Variants in CTNNA3 observed in about 807,000 individuals in gnomAD.
CTNNA3 encodes catenin alpha-3.
CTNNA3 carries 76 observed loss-of-function variants against 95.7 expected under a neutral mutation model. That is an observed-to-expected ratio of 0.79 (90% CI 0.66 to 0.96). The LOEUF is 0.96. Among genes scored for constraint, CTNNA3 ranks in the 40% least tolerant of loss-of-function variants. The probability of loss-of-function intolerance (pLI) is 0.00; values close to 1 mark genes in which losing one functional copy is unlikely to be tolerated. For missense variants in CTNNA3, 1,191 were observed against 1,089.8 expected, an observed-to-expected ratio of 1.09 and a Z score of -1.31; for synonymous variants, 431 against 374.4, an observed-to-expected ratio of 1.15 and a Z score of -1.74.
At chr10:67,707,570 T>C (rs981350006) in intron 1 of CTNNA3, among the ~76,000 whole-genome samples, 9 of 152,166 alleles carry the variant, frequency 5.9e-5, no homozygotes, top group Non-Finnish European at 1.0e-4. Flanking sequence ...CAGTCACTTA[T>C]CACGACCTTG....
At chr10:66,550,069 T>C (rs1209262474) in intron 10 of CTNNA3, among the ~76,000 whole-genome samples, 1 of 152,164 alleles carries the variant, frequency 6.6e-6, no homozygotes, top group Admixed American at 6.5e-5. Context: ...TATGAAATTG[T>C]CTATCTCTTA....
In CTNNA3 at chr10:66,653,563, A is replaced by G. The variant is rs1845980488; in HGVS notation, c.1282-31779T>C. ...CTACATATTCAATGTAATCTGTATTAAAATGCCAATGTCACTTTTCATAGC... is the reference window on the plus strand; with the variant it reads ...CTACATATTCAATGTAATCTGTATTGAAATGCCAATGTCACTTTTCATAGC... On this transcript the variant is annotated intron_variant, in intron 9 of 17. Coordinates refer to ENST00000433211, the MANE Select transcript of CTNNA3 (RefSeq NM_013266.4). Among the ~76,000 whole-genome samples the G allele has an allele frequency of 2.6e-5, 4 of 152,198 alleles. No individual in the cohort carries two copies. The South Asian group carries it at 8.3e-4, about 32-fold the overall frequency.
At chr10:66,270,350 A>G (rs1246409650) in intron 13 of CTNNA3, among the ~76,000 whole-genome samples, 2 of 151,958 alleles carry the variant, frequency 1.3e-5, no homozygotes, top group Non-Finnish European at 1.5e-5. Flanking sequence ...GAGTATAGGC[A>G]TGCACCACCA....
upstream of CTNNA3, among the ~76,000 whole-genome samples, chr10:67,700,789 G>A (rs183766385): frequency 7.2e-5 from 11 of 152,328 alleles, no homozygotes; most frequent in South Asian, 6.2e-4. Context: ...TGACTTTGAC[G>A]AGTTGAGAGA....
intron 2 of CTNNA3, among the ~76,000 whole-genome samples, chr10:67,640,805 T>G (rs902205427): frequency 6.6e-6 from 1 of 152,126 alleles, no homozygotes; most frequent in Admixed American, 6.5e-5. Context: ...TAGCCATATA[T>G]AGAAAGCTGA....
chr10:66,556,792 G>A (rs539454012), intron 10 of CTNNA3, among the ~76,000 whole-genome samples: 2 of 152,028 alleles, frequency 1.3e-5, no homozygotes, highest in South Asian at 2.1e-4. Context: ...TAGGTCTAGC[G>A]ATCTAACTTT....
chr10:66,505,736 A>G (rs1840427241), intron 11 of CTNNA3, among the ~76,000 whole-genome samples: 1 of 152,134 alleles, frequency 6.6e-6, no homozygotes, highest in Non-Finnish European at 1.5e-5. Flanking sequence ...CACCTGTTTT[A>G]TATTGGATTT....
chr10:66,218,945 T>A (rs2088732168), intron 13 of CTNNA3, among the ~76,000 whole-genome samples: 1 of 152,198 alleles, frequency 6.6e-6, no homozygotes, highest in South Asian at 2.1e-4. Flanking sequence ...TAAAACTTCC[T>A]AGGAACAAAG....
At chr10:66,693,563 G>C (rs971474379) in intron 9 of CTNNA3, among the ~76,000 whole-genome samples, 3 of 151,606 alleles carry the variant, frequency 2.0e-5, no homozygotes, top group African/African-American at 7.3e-5. Flanking sequence ...GAGACAGAAA[G>C]TTAACAAGGA....
chr10:66,425,314 A>T (rs55724402), intron 11 of CTNNA3, among the ~76,000 whole-genome samples: 39,967 of 151,482 alleles, frequency 0.26, 5,376 homozygotes, highest in South Asian at 0.39. Flanking sequence ...TAAATTTACA[A>T]TGAGTATGAT....
At chr10:67,643,979 T>C (rs1396888005) in intron 2 of CTNNA3, among the ~76,000 whole-genome samples, 1 of 152,316 alleles carries the variant, frequency 6.6e-6, no homozygotes, top group South Asian at 2.1e-4. Context: ...TTGTGAATAG[T>C]GCTCCCATAA....
intron 5 of CTNNA3, among the ~76,000 whole-genome samples, chr10:67,518,520 T>A (rs983990317): frequency 5.3e-5 from 8 of 152,158 alleles, no homozygotes; most frequent in Admixed American, 5.2e-4. Context: ...TTTACATATT[T>A]TTATATCAAT....
chr10:66,205,854 T>C (rs2087722017), intron 13 of CTNNA3, among the ~76,000 whole-genome samples: 1 of 151,934 alleles, frequency 6.6e-6, no homozygotes, highest in African/African-American at 2.4e-5. Context: ...CTTTTAAGAA[T>C]AGTAAAGAAA....
intron 5 of CTNNA3, among the ~76,000 whole-genome samples, chr10:67,231,410 G>A (rs540245611): frequency 6.6e-6 from 1 of 152,306 alleles, no homozygotes; most frequent in East Asian, 1.9e-4. Context: ...CCCTAGCAGG[G>A]GCAGACTGAC....
intron 7 of CTNNA3, among the ~76,000 whole-genome samples, chr10:67,001,681 T>G (rs1851700032): frequency 6.6e-6 from 1 of 152,180 alleles, no homozygotes; most frequent in Non-Finnish European, 1.5e-5. Flanking sequence ...GGATCCTAAT[T>G]GTATTCATAA....
At chr10:67,701,936 C>T (rs540735885) in intron 1 of CTNNA3, among the ~76,000 whole-genome samples, 1 of 152,028 alleles carries the variant, frequency 6.6e-6, no homozygotes, top group East Asian at 1.9e-4. Flanking sequence ...GGAAGATCTA[C>T]CAAGCAAATG....
chr10:67,645,191 G>GCGCACA (rs1839667148), intron 2 of CTNNA3, among the ~76,000 whole-genome samples: 1 of 140,536 alleles, frequency 7.1e-6, no homozygotes, highest in Non-Finnish European at 1.5e-5. Context: ...GTGCACGTGC[G>GCGCACA]CGCACACACA....
At chr10:66,532,166 A>T (rs1841488525) in intron 10 of CTNNA3, among the ~76,000 whole-genome samples, 1 of 152,134 alleles carries the variant, frequency 6.6e-6, no homozygotes, top group African/African-American at 2.4e-5. Flanking sequence ...GGCAAAAGTT[A>T]AAAAGAAAAA....
intron 1 of CTNNA3, among the ~76,000 whole-genome samples, chr10:67,701,425 T>G (rs1589575799): frequency 1.3e-5 from 2 of 152,338 alleles, no homozygotes; most frequent in South Asian, 4.1e-4. Context: ...ACAGTGGATG[T>G]CTTGGCAGAA....
Sources: gnomAD v4.1 joint callset for allele counts (sites outside exome capture counted in the v4.1 genomes callset) on GRCh38, gnomAD v4.1.1 for gene constraint, MANE v1.5 for transcripts, NCBI Gene and HGNC (gene_info 2026-07-23, HGNC 2026-07-21) for gene names.